The following DEUP1 variants were observed in gnomAD, a reference collection of about 807,000 sequenced individuals.
The protein encoded by DEUP1 is deuterosome assembly protein 1, also known as coiled-coil domain containing 67.
Under a neutral mutation model 87.4 loss-of-function variants are expected in DEUP1, and 82 were observed. The observed-to-expected ratio is 0.94, with a 90% CI of 0.78 to 1.13. The LOEUF (loss-of-function observed/expected upper bound fraction) is 1.13. Among genes scored for constraint, DEUP1 ranks in the 50% most tolerant of loss-of-function variants. DEUP1 has a pLI of 0.00. For synonymous variants in DEUP1, 214 were observed against 222.7 expected, an observed-to-expected ratio of 0.96 and a Z score of 0.35; for missense variants, 663 against 681.5, an observed-to-expected ratio of 0.97 and a Z score of 0.30.
At chr11:93,419,383 G>A (rs774294313) in intron 13 of DEUP1, among the ~76,000 whole-genome samples, 12 of 152,176 alleles carry the variant, frequency 7.9e-5, no homozygotes, top group Admixed American at 3.9e-4. Context: ...TAGCATCAAG[G>A]TTGCTTTGTT....
chr11:93,437,797 G>A lies in DEUP1; in HGVS notation c.*78G>A, dbSNP rs910148863. ...GCTCTGGCAAAATATTTACAAAGCT[G>A]ATTAATGAAACCAAGAAATTCTGTT... On this transcript the variant is annotated 3_prime_UTR_variant, in exon 14 of 14. Coordinates refer to ENST00000298050, the MANE Select transcript of DEUP1 (RefSeq NM_181645.4). 9 of 772,766 alleles carry A rather than the reference G, an allele frequency of 1.2e-5. No individual in the cohort carries two copies. The highest frequency in any genetic ancestry group is 4.1e-5 in the African/African-American group (2 of 48,698). The allele number at this position is 772,766 out of a possible 1,614,324, so 47.9% of individuals were successfully genotyped here. A position where few individuals can be genotyped will look rare whatever the true frequency, so the allele number is the denominator to read the frequency against.
At chr11:93,365,280 C>T (rs1416355311) in intron 5 of DEUP1, among the ~76,000 whole-genome samples, 1 of 152,046 alleles carries the variant, frequency 6.6e-6, no homozygotes. Flanking sequence ...AGATTTTAAT[C>T]TTTAAAAGTC....
rs768380747 is a variant in DEUP1, at chr11:93,371,314, C to T, written c.789+34C>T. 13 of 1,586,910 alleles carry T rather than the reference C, an allele frequency of 8.2e-6. No homozygotes were observed. The African/African-American group carries it at 1.4e-4, about 17-fold the overall frequency. On this transcript the variant is annotated intron_variant, in intron 7 of 13. Transcript: ENST00000298050. ...TAATTTTTTTTCAACTAATATTGTC[C>T]ATGACTTGTATAAATGGTAACACAT...
At chr11:93,347,772 C>T (rs1264060683) in intron 2 of DEUP1, among the ~76,000 whole-genome samples, 3 of 151,976 alleles carry the variant, frequency 2.0e-5, no homozygotes, top group Non-Finnish European at 4.4e-5. Flanking sequence ...CGGAGTCTTG[C>T]TTTGATGCCC....
chr11:93,430,521 T>C (rs1240519364), intron 13 of DEUP1, among the ~76,000 whole-genome samples: 1 of 152,114 alleles, frequency 6.6e-6, no homozygotes, highest in African/African-American at 2.4e-5. Context: ...GTATATGAAA[T>C]AGCCAAATAG....
chr11:93,413,616 T>C (rs772923152), intron 12 of DEUP1, among the ~76,000 whole-genome samples: 4 of 152,220 alleles, frequency 2.6e-5, no homozygotes, highest in Non-Finnish European at 5.9e-5. Context: ...GCCCATACTT[T>C]TAGGACCTTT....
chr11:93,409,981 C>T (rs1591243440), intron 12 of DEUP1, among the ~76,000 whole-genome samples: 2 of 152,066 alleles, frequency 1.3e-5, no homozygotes, highest in Middle Eastern at 3.4e-3. Context: ...GAGGTGGTGC[C>T]AGACTCATCT....
chr11:93,364,095 T>A lies in DEUP1; in HGVS notation c.298-65T>A, dbSNP rs1173560906. 3.4e-6 allele frequency: 4 copies of A among 1,187,150 alleles called. No individual in the cohort carries two copies. In the South Asian group the frequency reaches 5.7e-5, roughly 17 times the overall value. 73.5% of individuals were successfully genotyped at this position (1,187,150 alleles called of 1,614,324 possible). ...TCAAAGAGGTACACAGGAAAAGAGA[T>A]ATAGTGAAATCAGGTTAGAAATAAT... On this transcript the variant is annotated intron_variant, in intron 4 of 13. Coordinates refer to ENST00000298050, the MANE Select transcript of DEUP1 (RefSeq NM_181645.4).
rs752444785 is a variant in DEUP1 at position 93,332,283 on chromosome 11, G to C, written c.24G>C (p.Thr8=). 6.2e-7 allele frequency: 1 copy of C among 1,607,738 alleles called. No homozygotes were observed. The highest frequency in any genetic ancestry group is 8.5e-7 in the Non-Finnish European group (1 of 1,176,466). ...ACATGGAGAACCAAGCCCATAATAC[G>C]ATGGGGTAAGTGCTGAGAAATTTCT... The part of the protein sequence containing the change: MENQAHN[T]MGTSPCEAEL... The change falls in exon 2 of 14, where the codon ACG becomes ACC. Residue 8 remains threonine, a synonymous_variant. Transcript: ENST00000298050.
At chr11:93,377,088 A>G (rs1018432336) in intron 7 of DEUP1, among the ~76,000 whole-genome samples, 4 of 152,098 alleles carry the variant, frequency 2.6e-5, no homozygotes, top group Non-Finnish European at 1.5e-5. Flanking sequence ...TAGAATATAT[A>G]TTTGCAGTTG....
In DEUP1 at chr11:93,385,431, G is replaced by A. The variant is rs1387417902; in HGVS notation, c.823G>A (p.Glu275Lys). The A allele has an allele frequency of 5.6e-6, 9 of 1,612,836 alleles. No homozygotes were observed. The East Asian group carries it at 1.8e-4, about 32-fold the overall frequency. ...MEAGLSEVKS[E>K]LQSRDDLLRI... ...AGCAGGTCTCTCAGAGGTAAAAAGT[G>A]AGTTACAGTCACGTGATGATCTCTT... is the stretch of plus-strand genomic sequence containing the variant. The change falls in exon 8 of 14, where the codon GAG becomes AAG. Residue 275 changes from glutamate (E) to lysine (K), a missense_variant. Glu to Lys is a moderately conservative substitution (Grantham distance 56). Transcript: ENST00000298050.
chr11:93,404,232 A>G (rs1591233679), intron 11 of DEUP1, among the ~76,000 whole-genome samples: 1 of 152,210 alleles, frequency 6.6e-6, no homozygotes, highest in Admixed American at 6.6e-5. Flanking sequence ...ATAGTGGAGA[A>G]AAGTGAAGGG....
intron 5 of DEUP1, among the ~76,000 whole-genome samples, chr11:93,368,193 T>C (rs1055074485): frequency 2.6e-5 from 4 of 152,252 alleles, no homozygotes. Flanking sequence ...TACCAATTGG[T>C]ACTGCCTAAA....
chr11:93,353,131 T>C (rs1299521285), intron 2 of DEUP1, among the ~76,000 whole-genome samples: 2 of 152,146 alleles, frequency 1.3e-5, no homozygotes, highest in Non-Finnish European at 2.9e-5. Context: ...TTCCTAGATA[T>C]AATAGGGGTA....
intron 2 of DEUP1, chr11:93,352,652 A>C (rs1944682522): frequency 1.8e-6 from 1 of 551,564 alleles, no homozygotes; most frequent in East Asian, 3.2e-5. Flanking sequence ...AATTGAACTT[A>C]CAGTTCTACA....
intron 5 of DEUP1, among the ~76,000 whole-genome samples, chr11:93,367,433 C>G (rs1218044152): frequency 6.6e-6 from 1 of 152,126 alleles, no homozygotes; most frequent in South Asian, 2.1e-4. Flanking sequence ...ACAATAGTAA[C>G]CACTCTGACT....
intron 11 of DEUP1, among the ~76,000 whole-genome samples, 182 bp from the exon 12 acceptor site, chr11:93,408,049 G>A (rs1251364666): frequency 6.6e-6 from 1 of 152,010 alleles, no homozygotes; most frequent in Non-Finnish European, 1.5e-5. Context: ...CTACCTCTGG[G>A]TATCTGCTTG....
intron 7 of DEUP1, among the ~76,000 whole-genome samples, chr11:93,383,254 A>G (rs190064744): frequency 1.7e-3 from 261 of 152,370 alleles, no homozygotes; most frequent in Middle Eastern, 3.4e-3. Flanking sequence ...AAAATGTGGT[A>G]TATCCACATA....
At position 93,347,732 on chromosome 11, in the gene DEUP1, T is replaced by G. The variant is rs565122920; in HGVS notation, c.30-7639T>G. Among the ~76,000 whole-genome samples, 166 of 151,264 alleles carry G rather than the reference T, an allele frequency of 1.1e-3. 2 individuals carry two copies. The highest frequency in any genetic ancestry group is 0.01 in the Admixed American group (154 of 15,134). On this transcript the variant is annotated intron_variant, in intron 2 of 13. Transcript: ENST00000298050. ...TCAGAGATTCAGTTTTTTGGGGGGG[T>G]TTTGTTTTTTGTTTTTTCGTTTTTT...
Sources: gnomAD v4.1 joint callset for allele counts (sites outside exome capture counted in the v4.1 genomes callset) on GRCh38, gnomAD v4.1.1 for gene constraint, MANE v1.5 for transcripts, NCBI Gene and HGNC (gene_info 2026-07-23, HGNC 2026-07-21) for gene names.